The following BBX variants were observed in gnomAD, a reference collection of about 807,000 sequenced individuals.
BBX encodes the protein HMG box transcription factor BBX.
In BBX, 30 loss-of-function variants were observed where a neutral mutation model predicts 100.2. The observed-to-expected ratio is 0.30, with a 90% CI of 0.22 to 0.41. The LOEUF (loss-of-function observed/expected upper bound fraction) is 0.41. Ranked by LOEUF, BBX falls within the 10% of genes least tolerant of loss-of-function variation. The probability of loss-of-function intolerance (pLI) is 1.00; values close to 1 mark genes in which losing one functional copy is unlikely to be tolerated. For missense variants in BBX, 1,023 were observed against 1,129.8 expected, an observed-to-expected ratio of 0.91 and a Z score of 1.35; for synonymous variants, 376 against 388.1, an observed-to-expected ratio of 0.97 and a Z score of 0.37.
intron 2 of BBX, among the ~76,000 whole-genome samples, chr3:107,541,869 A>G (rs183082314): frequency 1.3e-5 from 2 of 151,784 alleles, no homozygotes; most frequent in African/African-American, 4.8e-5. Context: ...CCCAGGCTAG[A>G]GTGCATCGGT....
At chr3:107,546,221 A>G (rs2049228922) in intron 2 of BBX, among the ~76,000 whole-genome samples, 1 of 152,194 alleles carries the variant, frequency 6.6e-6, no homozygotes, top group South Asian at 2.1e-4. Context: ...CTGACCATCC[A>G]TATTTTCATT....
At chr3:107,772,029 C>T (rs1468621925) in intron 10 of BBX, among the ~76,000 whole-genome samples, 1 of 151,984 alleles carries the variant, frequency 6.6e-6, no homozygotes, top group Non-Finnish European at 1.5e-5. Context: ...TGGAGCATTT[C>T]GGATTTCTGA....
intron 2 of BBX, among the ~76,000 whole-genome samples, chr3:107,629,256 C>A (rs1307273615): frequency 6.6e-6 from 1 of 152,090 alleles, no homozygotes; most frequent in Non-Finnish European, 1.5e-5. Flanking sequence ...GGAAACAAAA[C>A]AAAATAATAT....
chr3:107,544,856 A>G (rs977264404), intron 2 of BBX, among the ~76,000 whole-genome samples: 7 of 151,108 alleles, frequency 4.6e-5, no homozygotes, highest in African/African-American at 1.5e-4. Context: ...AAAAAAAAAA[A>G]AAAGAAAAAA....
intron 2 of BBX, among the ~76,000 whole-genome samples, chr3:107,635,989 C>G (rs552109289): frequency 6.6e-6 from 1 of 152,196 alleles, no homozygotes; most frequent in South Asian, 2.1e-4. Context: ...AGACTACAGG[C>G]GTTAGCCACC....
intron 10 of BBX, among the ~76,000 whole-genome samples, chr3:107,759,788 T>C (rs975499081): frequency 7.9e-5 from 12 of 152,200 alleles, no homozygotes; most frequent in Admixed American, 7.8e-4. Flanking sequence ...TAGGAACATG[T>C]TACCTCCAAG....
At chr3:107,747,463 G>A (rs2064716319) in intron 8 of BBX, among the ~76,000 whole-genome samples, 1 of 151,980 alleles carries the variant, frequency 6.6e-6, no homozygotes, top group East Asian at 1.9e-4. Context: ...GCTGGCCAAG[G>A]TCATGTTGTG....
intron 2 of BBX, among the ~76,000 whole-genome samples, chr3:107,573,587 T>G (rs895420285): frequency 3.3e-5 from 5 of 151,966 alleles, no homozygotes; most frequent in Non-Finnish European, 2.9e-5. Flanking sequence ...AAACAAACAG[T>G]GTTTGTTAAC....
rs533060042 is a variant in BBX, at chr3:107,643,867, A to G, written c.-83-1969A>G. Among the ~76,000 whole-genome samples, 4 of 152,248 alleles carry G rather than the reference A, an allele frequency of 2.6e-5. No homozygotes were observed. The East Asian group carries it at 5.8e-4, about 22-fold the overall frequency. On this transcript the variant is annotated intron_variant, in intron 2 of 17. Coordinates refer to ENST00000325805, the MANE Select transcript of BBX (RefSeq NM_001142568.3). Reference sequence around the variant, plus strand: ...TTCTGTTTGGCTGTCAGAGAACTCAAAGGCCTGTGATAGACTTATCACAGG... The same window carrying G: ...TTCTGTTTGGCTGTCAGAGAACTCAGAGGCCTGTGATAGACTTATCACAGG...
At chr3:107,789,111 A>T (rs2068722179) in intron 13 of BBX, among the ~76,000 whole-genome samples, 1 of 152,042 alleles carries the variant, frequency 6.6e-6, no homozygotes, top group Non-Finnish European at 1.5e-5. Context: ...AGCTGTTGGT[A>T]GGTGGAGAGA....
chr3:107,648,274 G>A (rs1209951148), intron 3 of BBX, among the ~76,000 whole-genome samples: 1 of 151,986 alleles, frequency 6.6e-6, no homozygotes, highest in East Asian at 1.9e-4. Flanking sequence ...TTGATGTTTT[G>A]AACCTTACAA....
chr3:107,600,338 G>C (rs1194604234), intron 2 of BBX, among the ~76,000 whole-genome samples: 3 of 152,226 alleles, frequency 2.0e-5, no homozygotes, highest in East Asian at 1.9e-4. Flanking sequence ...AGAAATGTTT[G>C]AAGTAGGAAA....
chr3:107,730,579 T>C (rs2063252859), intron 6 of BBX, among the ~76,000 whole-genome samples: 1 of 152,134 alleles, frequency 6.6e-6, no homozygotes. Context: ...GATATCTTTT[T>C]TGAAGCACCG....
intron 2 of BBX, among the ~76,000 whole-genome samples, chr3:107,642,405 T>G (rs1273682980): frequency 6.6e-6 from 1 of 152,136 alleles, no homozygotes; most frequent in Non-Finnish European, 1.5e-5. Context: ...GTAGGAAAAG[T>G]CTCTTAAGAA....
chr3:107,663,494 C>G (rs931225632), intron 3 of BBX, among the ~76,000 whole-genome samples: 1 of 152,154 alleles, frequency 6.6e-6, no homozygotes, highest in African/African-American at 2.4e-5. Context: ...TCCATTGCCT[C>G]TCTTTACCCC....
At chr3:107,565,017 G>A (rs1161236921) in intron 2 of BBX, among the ~76,000 whole-genome samples, 1 of 152,030 alleles carries the variant, frequency 6.6e-6, no homozygotes, top group Non-Finnish European at 1.5e-5. Context: ...GGAAATGTTA[G>A]TTTTTTTCCT....
intron 2 of BBX, among the ~76,000 whole-genome samples, chr3:107,533,289 A>T (rs1319956079): frequency 6.6e-6 from 1 of 152,210 alleles, no homozygotes; most frequent in African/African-American, 2.4e-5. Flanking sequence ...TGGTTGGTAG[A>T]GTGAAATTCT....
At chr3:107,564,629 G>A (rs1054736981) in intron 2 of BBX, among the ~76,000 whole-genome samples, 2 of 152,160 alleles carry the variant, frequency 1.3e-5, no homozygotes, top group East Asian at 1.9e-4. Context: ...CTGTAGTCTA[G>A]TGGGCGTTTT....
intron 3 of BBX, among the ~76,000 whole-genome samples, chr3:107,646,255 A>G (rs1247102515): frequency 6.7e-6 from 1 of 148,920 alleles, no homozygotes; most frequent in East Asian, 1.9e-4. Context: ...CTGTTCCCCA[A>G]AAGCTGTTTT....
Sources: allele counts gnomAD v4.1 joint callset (sites outside exome capture counted in the v4.1 genomes callset), GRCh38; gene constraint gnomAD v4.1.1; transcripts MANE v1.5; gene names NCBI Gene and HGNC (gene_info 2026-07-23, HGNC 2026-07-21).